The following LARGE1 variants were observed in gnomAD, a reference collection of about 807,000 sequenced individuals.
The protein encoded by LARGE1 is LARGE xylosyl- and glucuronyltransferase 1, also known as xylosyl- and glucuronyltransferase LARGE1.
In LARGE1, 43 loss-of-function variants were observed where a neutral mutation model predicts 87.6. The ratio of observed to expected loss-of-function variants is 0.49; its 90% CI spans 0.38 to 0.63. LARGE1 has a LOEUF of 0.63. Ranked by LOEUF, LARGE1 falls within the 30% of genes least tolerant of loss-of-function variation. The pLI is 0.00. For missense variants in LARGE1, 802 were observed against 1,000.2 expected (o/e 0.80, Z 2.67); for synonymous variants, 434 against 394.6 (o/e 1.10, Z -1.18).
chr22:33,564,752 C>T (rs1043706464), intron 6 of LARGE1, 96 bp downstream of exon 6: 24 of 1,261,136 alleles, frequency 1.9e-5, no homozygotes, highest in South Asian at 4.8e-5. Context: ...CGACCTCATT[C>T]GAGGAGACCT....
the LARGE1 span, among the ~76,000 whole-genome samples, chr22:33,125,753 T>C: frequency 6.6e-6 from 1 of 152,108 alleles, no homozygotes; most frequent in African/African-American, 2.4e-5. Flanking sequence ...CCTATTTCTT[T>C]TTTAAATACA....
intron 11 of LARGE1, among the ~76,000 whole-genome samples, chr22:33,248,091 A>C (rs1926846866): frequency 6.6e-6 from 1 of 152,128 alleles, no homozygotes; most frequent in South Asian, 2.1e-4. Context: ...TCTTTTTTCA[A>C]GTCTTTATTT....
chr22:33,282,537 C>G (rs2145884949), intron 13 of LARGE1, among the ~76,000 whole-genome samples: 1 of 152,306 alleles, frequency 6.6e-6, no homozygotes, highest in South Asian at 2.1e-4. Flanking sequence ...TGCGGTGGCA[C>G]AGACTCCTGG....
chr22:33,445,150 C>T (rs1443925088), intron 6 of LARGE1, among the ~76,000 whole-genome samples: 1 of 152,120 alleles, frequency 6.6e-6, no homozygotes, highest in Non-Finnish European at 1.5e-5. Flanking sequence ...CTTACAAGGG[C>T]ACCAGTCTTC....
chr22:33,517,294 A>G (rs2071357321), intron 6 of LARGE1, among the ~76,000 whole-genome samples: 1 of 152,190 alleles, frequency 6.6e-6, no homozygotes, highest in Non-Finnish European at 1.5e-5. Flanking sequence ...CTGTCCCATC[A>G]TCACCCAACA....
At position 33,633,478 on chromosome 22, in the gene LARGE1, C is replaced by T. The variant is rs537827421; in HGVS notation, c.409-7152G>A. Among the ~76,000 whole-genome samples the T allele has an allele frequency of 4.6e-5, 7 of 152,274 alleles. No individual in the cohort carries two copies. The South Asian group carries it at 1.4e-3, about 32-fold the overall frequency. ...AAAGAATCCTCAGGGAGCAGTTTTT[C>T]ACAGATAAATATGGGGAAAAAAATC... On this transcript the variant is annotated intron_variant, in intron 3 of 14. Coordinates refer to ENST00000397394, the MANE Select transcript of LARGE1 (RefSeq NM_133642.5).
At chr22:33,855,015 A>AGTC (rs2063717048) in intron 1 of LARGE1, among the ~76,000 whole-genome samples, 1 of 152,156 alleles carries the variant, frequency 6.6e-6, no homozygotes, top group South Asian at 2.1e-4. Flanking sequence ...AGGCCCGGGC[A>AGTC]GTCATTCTGG....
chr22:33,181,687 C>G (rs1923172261), intron 11 of LARGE1, among the ~76,000 whole-genome samples: 1 of 152,134 alleles, frequency 6.6e-6, no homozygotes, highest in African/African-American at 2.4e-5. Context: ...CGCCACCACA[C>G]CCGGGTAATT....
At position 33,553,847 on chromosome 22, in the gene LARGE1, C is replaced by T. The variant is rs367976240; in HGVS notation, c.787+11001G>A. Among the ~76,000 whole-genome samples the T allele has an allele frequency of 5.9e-5, 9 of 152,230 alleles. No homozygotes were observed. In the South Asian group the frequency reaches 1.0e-3, roughly 18 times the overall value. On this transcript the variant is annotated intron_variant, in intron 6 of 14. Transcript: ENST00000397394. ...ATCTACCTCCAGAGATGTCTTTCCT[C>T]CCCCTTGGTGAGGAGCCTAAAAGGG...
Position 33,680,408 on chromosome 22 carries a change from G to A in LARGE1, c.107-29740C>T, listed in dbSNP as rs532977422. Among the ~76,000 whole-genome samples the A allele has an allele frequency of 4.7e-5, 7 of 149,938 alleles. No homozygotes were observed. The East Asian group carries it at 1.3e-3, about 27-fold the overall frequency. ...TTTTTACAATAACTACTGACAGAGA[G>A]CAGATCTCACTCTATCCATATCAAA... On this transcript the variant is annotated intron_variant, in intron 2 of 14. Coordinates refer to ENST00000397394, the MANE Select transcript of LARGE1 (RefSeq NM_133642.5).
intron 1 of LARGE1, among the ~76,000 whole-genome samples, chr22:33,868,042 T>C (rs1400481742): frequency 6.6e-6 from 1 of 152,184 alleles, no homozygotes; most frequent in African/African-American, 2.4e-5. Flanking sequence ...CCGCTCCATT[T>C]TCCCACAACC....
At chr22:33,114,221 A>G in the LARGE1 span, among the ~76,000 whole-genome samples, 2 of 152,172 alleles carry the variant, frequency 1.3e-5, no homozygotes, top group African/African-American at 4.8e-5. Flanking sequence ...TGCAAGGATT[A>G]AATTAGCTAA....
intron 12 of LARGE1, among the ~76,000 whole-genome samples, chr22:33,290,509 G>A (rs1932341043): frequency 1.3e-5 from 2 of 152,340 alleles, no homozygotes; most frequent in South Asian, 4.1e-4. Flanking sequence ...GAGGGACCAA[G>A]AAGATTGAAG....
chr22:33,838,873 A>T (rs1242630542), intron 1 of LARGE1, among the ~76,000 whole-genome samples: 4 of 152,084 alleles, frequency 2.6e-5, no homozygotes, highest in Non-Finnish European at 5.9e-5. Flanking sequence ...TTTTTTGTTT[A>T]TATCAGGGAG....
chr22:33,155,862 C>T, the LARGE1 span, among the ~76,000 whole-genome samples: 1 of 152,154 alleles, frequency 6.6e-6, no homozygotes, highest in Non-Finnish European at 1.5e-5. Flanking sequence ...GGTCCCTTTG[C>T]TGTGTGCTGT....
the LARGE1 span, among the ~76,000 whole-genome samples, chr22:33,147,169 G>A: frequency 6.6e-6 from 1 of 152,118 alleles, no homozygotes; most frequent in Non-Finnish European, 1.5e-5. Context: ...ACATTTGAAT[G>A]GCTTCCAGGG....
chr22:33,307,916 A>G (rs916459500), intron 11 of LARGE1, among the ~76,000 whole-genome samples: 4 of 151,956 alleles, frequency 2.6e-5, no homozygotes, highest in Admixed American at 2.6e-4. Flanking sequence ...GTTCTTGCTG[A>G]TGCCAAGCTC....
At chr22:33,510,423 A>G (rs2071000802) in intron 6 of LARGE1, among the ~76,000 whole-genome samples, 1 of 152,236 alleles carries the variant, frequency 6.6e-6, no homozygotes, top group African/African-American at 2.4e-5. Flanking sequence ...TGCTAGTAAA[A>G]AGTGGAGGTA....
At chr22:33,877,977 T>C (rs1287691858) in intron 1 of LARGE1, among the ~76,000 whole-genome samples, 2 of 151,612 alleles carry the variant, frequency 1.3e-5, no homozygotes, top group Non-Finnish European at 2.9e-5. Context: ...CAGTATGAAA[T>C]AAAGAATGTA....
Sources: allele counts gnomAD v4.1 joint callset (sites outside exome capture counted in the v4.1 genomes callset), GRCh38; gene constraint gnomAD v4.1.1; transcripts MANE v1.5; gene names NCBI Gene and HGNC (gene_info 2026-07-23, HGNC 2026-07-21).